The following NLGN1 variants were observed in gnomAD, a reference collection of about 807,000 sequenced individuals.
NLGN1 encodes the protein neuroligin-1.
In NLGN1, 12 loss-of-function variants were observed where a neutral mutation model predicts 65.5. The ratio of observed to expected loss-of-function variants is 0.18; its 90% confidence interval spans 0.12 to 0.30. The LOEUF is 0.30. Among genes scored for constraint, NLGN1 ranks in the 10% least tolerant of loss-of-function variants. The pLI, the probability that NLGN1 is intolerant of heterozygous loss-of-function variation, is 1.00. For synonymous variants in NLGN1, 350 were observed against 359.5 expected (o/e 0.97, Z 0.30); for missense variants, 750 against 1,007.1 (o/e 0.74, Z 3.46).
chr3:173,617,823 A>G (rs1753355242), intron 3 of NLGN1, among the ~76,000 whole-genome samples: 1 of 152,220 alleles, frequency 6.6e-6, no homozygotes, highest in Admixed American at 6.5e-5. Context: ...TTTCTTTAGT[A>G]GACACAAGCT....
chr3:173,737,195 A>G (rs534544001), intron 3 of NLGN1, among the ~76,000 whole-genome samples: 37 of 151,718 alleles, frequency 2.4e-4, no homozygotes, highest in African/African-American at 8.7e-4. Context: ...ACGAAAGACA[A>G]CTTCCTGTAT....
chr3:173,727,589 A>G (rs1772014310), intron 3 of NLGN1, among the ~76,000 whole-genome samples: 9 of 151,926 alleles, frequency 5.9e-5, no homozygotes, highest in Admixed American at 5.9e-4. Context: ...GTTGGAATTC[A>G]CTCTAGCAAA....
At chr3:173,634,701 G>C (rs1756301298) in intron 3 of NLGN1, among the ~76,000 whole-genome samples, 1 of 152,032 alleles carries the variant, frequency 6.6e-6, no homozygotes. Context: ...TCTATTTACT[G>C]TTCTTACTAA....
At chr3:173,832,202 A>G (rs987895365) in intron 4 of NLGN1, among the ~76,000 whole-genome samples, 1 of 151,772 alleles carries the variant, frequency 6.6e-6, no homozygotes, top group African/African-American at 2.4e-5. Flanking sequence ...GGGCTCAAGC[A>G]GTTCTCCCAC....
intron 3 of NLGN1, among the ~76,000 whole-genome samples, chr3:173,723,788 G>C (rs1771277042): frequency 6.6e-6 from 1 of 152,172 alleles, no homozygotes; most frequent in Non-Finnish European, 1.5e-5. Flanking sequence ...GAAAAGAATA[G>C]ACTGACTGAA....
At chr3:173,431,421 T>C (rs1384108679) in intron 1 of NLGN1, among the ~76,000 whole-genome samples, 1 of 152,180 alleles carries the variant, frequency 6.6e-6, no homozygotes, top group East Asian at 1.9e-4. Flanking sequence ...ATATATAATA[T>C]ACAAAATCTT....
intron 4 of NLGN1, among the ~76,000 whole-genome samples, chr3:173,815,776 A>G (rs1247316469): frequency 1.3e-5 from 2 of 152,114 alleles, no homozygotes; most frequent in Non-Finnish European, 2.9e-5. Context: ...TGTCTTCAAG[A>G]CTAACCCTTC....
In NLGN1 at chr3:173,972,172, G is replaced by A. The variant is rs190701713; in HGVS notation, c.646+164340G>A. ...TTTCTTTTCCTAATGGGAGAGGAGAGAGTAAGAAATTAAGACTACCACATT... is the reference window on the plus strand; with the variant it reads ...TTTCTTTTCCTAATGGGAGAGGAGAAAGTAAGAAATTAAGACTACCACATT... On this transcript the variant is annotated intron_variant, in intron 4 of 6. Coordinates refer to ENST00000457714, the Ensembl canonical transcript of NLGN1. Among the ~76,000 whole-genome samples, 58 of 152,250 alleles carry A rather than the reference G, an allele frequency of 3.8e-4. 1 individual carries two copies. Among genetic ancestry groups the A allele is most frequent in the African/African-American group, 1.3e-3 (55 of 41,574 alleles).
At chr3:173,783,080 T>C (rs902629827) in intron 3 of NLGN1, among the ~76,000 whole-genome samples, 2 of 152,094 alleles carry the variant, frequency 1.3e-5, no homozygotes, top group African/African-American at 4.8e-5. Context: ...ATAAAGAATG[T>C]GGAAAGGATA....
chr3:173,664,457 T>C (rs1184855860), intron 3 of NLGN1, among the ~76,000 whole-genome samples: 1 of 152,120 alleles, frequency 6.6e-6, no homozygotes, highest in Non-Finnish European at 1.5e-5. Flanking sequence ...ACTTCTAGAA[T>C]AAATATAGTC....
downstream of NLGN1, among the ~76,000 whole-genome samples, chr3:174,288,389 T>C (rs1415045466): frequency 6.6e-6 from 1 of 151,492 alleles, no homozygotes; most frequent in African/African-American, 2.4e-5. Context: ...AACCTCAACA[T>C]GTAATTGTGA....
downstream of NLGN1, among the ~76,000 whole-genome samples, chr3:174,287,601 AAGC>A (rs1321677369): frequency 4.6e-5 from 7 of 151,734 alleles, no homozygotes; most frequent in East Asian, 9.7e-4. Context: ...GTTCATGTGA[AAGC>A]AGTATTTTCT....
chr3:173,629,188 A>C (rs569189310), intron 3 of NLGN1, among the ~76,000 whole-genome samples: 2 of 151,808 alleles, frequency 1.3e-5, no homozygotes, highest in Admixed American at 1.3e-4. Context: ...TCAGTCTTCT[A>C]GACAGGAGGA....
intron 4 of NLGN1, among the ~76,000 whole-genome samples, chr3:174,100,678 T>A (rs1317758283): frequency 2.0e-5 from 3 of 151,992 alleles, no homozygotes; most frequent in Admixed American, 2.0e-4. Context: ...CTGCAGTTTA[T>A]CACTAAAAAG....
chr3:173,942,142 ATGTGTGTGTGTG>A (rs1275579907), intron 4 of NLGN1, among the ~76,000 whole-genome samples: 43 of 123,068 alleles, frequency 3.5e-4, no homozygotes, highest in African/African-American at 1.1e-3. Flanking sequence ...GTGTGTGTGT[ATGTGTGTGTGTG>A]TGTATGTGTA....
chr3:173,483,787 C>G (rs1249571360), intron 2 of NLGN1, among the ~76,000 whole-genome samples: 1 of 152,114 alleles, frequency 6.6e-6, no homozygotes, highest in East Asian at 1.9e-4. Context: ...ATAAGAGAAG[C>G]CATTTGGCCC....
chr3:173,512,877 G>A (rs923612456), intron 2 of NLGN1, among the ~76,000 whole-genome samples: 1 of 152,184 alleles, frequency 6.6e-6, no homozygotes, highest in Non-Finnish European at 1.5e-5. Context: ...TGAGCTTGAT[G>A]TATGGGTAAA....
At chr3:173,766,606 C>T (rs1278896814) in intron 3 of NLGN1, among the ~76,000 whole-genome samples, 1 of 152,068 alleles carries the variant, frequency 6.6e-6, no homozygotes, top group Admixed American at 6.6e-5. Flanking sequence ...TGTTATTTCT[C>T]TATTTTATAA....
chr3:173,871,949 G>A (rs557769596), intron 4 of NLGN1, among the ~76,000 whole-genome samples: 37 of 152,274 alleles, frequency 2.4e-4, no homozygotes, highest in African/African-American at 7.7e-4. Flanking sequence ...AATTTCAACC[G>A]TTCCTAAGAG....
Sources: allele counts gnomAD v4.1 joint callset (sites outside exome capture counted in the v4.1 genomes callset), GRCh38; gene constraint gnomAD v4.1.1; transcripts MANE v1.5; gene names NCBI Gene and HGNC (gene_info 2026-07-23, HGNC 2026-07-21).